DLG2: variants seen among roughly 807,000 people sequenced by gnomAD.
DLG2 encodes the protein discs large MAGUK scaffold protein 2.
DLG2 carries 45 observed loss-of-function variants against 132.5 expected under a neutral mutation model. That is an observed-to-expected ratio of 0.34 (90% CI 0.27 to 0.44). The LOEUF (loss-of-function observed/expected upper bound fraction) is 0.44. Among genes scored for constraint, DLG2 ranks in the 20% least tolerant of loss-of-function variants. The probability of loss-of-function intolerance (pLI) is 1.00; values close to 1 mark genes in which losing one functional copy is unlikely to be tolerated. For missense variants in DLG2, 1,045 were observed against 1,196.9 expected, an observed-to-expected ratio of 0.87 and a Z score of 1.87; for synonymous variants, 424 against 419.6, an observed-to-expected ratio of 1.01 and a Z score of -0.13.
chr11:84,943,155 T>TGG (rs2049696214), intron 6 of DLG2, among the ~76,000 whole-genome samples: 3 of 138,236 alleles, frequency 2.2e-5, no homozygotes, highest in South Asian at 4.8e-4. Flanking sequence ...TTTTGGGTCG[T>TGG]GTGTGTGTGT....
chr11:85,187,722 T>C (rs1005594622), intron 4 of DLG2, among the ~76,000 whole-genome samples: 1 of 152,030 alleles, frequency 6.6e-6, no homozygotes, highest in Non-Finnish European at 1.5e-5. Flanking sequence ...ATGGGAAAAG[T>C]AGTAAGAACC....
At chr11:84,500,914 A>T (rs7945737) in intron 7 of DLG2, among the ~76,000 whole-genome samples, 11,518 of 152,228 alleles carry the variant, frequency 0.076, 1,452 homozygotes, top group African/African-American at 0.26. Flanking sequence ...TTATATGGCA[A>T]TTCACAAATA....
chr11:83,850,123 A>AGTGTGTGTGTGTGTGTGTGT lies in DLG2; in HGVS notation c.1566-16373_1566-16354dup, dbSNP rs544279195. On this transcript the variant is annotated intron_variant, in intron 16 of 27. Transcript: ENST00000376104. ...TCATTCATCCGTAACATTTGGGGTA[A>AGTGTGTGTGTGTGTGTGTGT]GTGTGTGTGTGTGTGTGTGTGTGTG... Among the ~76,000 whole-genome samples, 3 of 39,116 alleles carry AGTGTGTGTGTGTGTGTGTGT rather than the reference A, an allele frequency of 7.7e-5. 1 individual carries two copies. Among genetic ancestry groups the AGTGTGTGTGTGTGTGTGTGT allele is most frequent in the South Asian group, 3.2e-3 (2 of 628 alleles). 25.7% of individuals were successfully genotyped at this position (39,116 alleles called of 152,430 possible). A position where few individuals can be genotyped will look rare whatever the true frequency, so the allele number is the denominator to read the frequency against.
At chr11:84,070,986 A>G (rs1204759593) in intron 10 of DLG2, among the ~76,000 whole-genome samples, 2 of 152,216 alleles carry the variant, frequency 1.3e-5, no homozygotes, top group African/African-American at 4.8e-5. Flanking sequence ...TAATTTCATC[A>G]CCAGAAAGGG....
At chr11:85,064,703 G>T (rs1166287998) in intron 6 of DLG2, among the ~76,000 whole-genome samples, 1 of 151,618 alleles carries the variant, frequency 6.6e-6, no homozygotes, top group African/African-American at 2.4e-5. Flanking sequence ...TTTTACATAT[G>T]ATTAGCATTC....
In DLG2 at chr11:84,358,525, C is replaced by T. The variant is rs2098631308; in HGVS notation, c.520-107234G>A. 2.6e-5 allele frequency among the ~76,000 whole-genome samples: 4 copies of T among 151,696 alleles called. No individual in the cohort carries two copies. In the South Asian group the frequency reaches 8.3e-4, roughly 32 times the overall value. ...ACTCTAACACCTCTGAAATTAAGCC[C>T]TGGGGAAGCTAGTGATAACTCTGAG... On this transcript the variant is annotated intron_variant, in intron 7 of 27. Transcript: ENST00000376104.
At chr11:83,979,985 T>C (rs1329888496) in intron 12 of DLG2, among the ~76,000 whole-genome samples, 1 of 152,216 alleles carries the variant, frequency 6.6e-6, no homozygotes, top group East Asian at 1.9e-4. Context: ...ATAGATACAT[T>C]GTACATGTAC....
At chr11:85,610,388 A>G (rs915320461) in intron 2 of DLG2, among the ~76,000 whole-genome samples, 5 of 152,186 alleles carry the variant, frequency 3.3e-5, no homozygotes, top group African/African-American at 1.2e-4. Context: ...TCTCTCAAAT[A>G]TCAGAGGAAG....
At chr11:84,748,956 G>C (rs1376477592) in intron 6 of DLG2, among the ~76,000 whole-genome samples, 2 of 152,108 alleles carry the variant, frequency 1.3e-5, no homozygotes, top group African/African-American at 2.4e-5. Context: ...AACTGCTTGG[G>C]ACCAAAATTT....
intron 16 of DLG2, among the ~76,000 whole-genome samples, chr11:83,862,512 A>C (rs1277726391): frequency 6.6e-6 from 1 of 152,192 alleles, no homozygotes; most frequent in Non-Finnish European, 1.5e-5. Flanking sequence ...ATTTATAAAG[A>C]ATGAATAAAA....
intron 16 of DLG2, among the ~76,000 whole-genome samples, chr11:83,872,845 A>C (rs1719978888): frequency 1.3e-5 from 2 of 152,228 alleles, no homozygotes; most frequent in South Asian, 4.1e-4. Context: ...AAGGAATAAT[A>C]AAGTGAGGTA....
chr11:83,604,255 T>G (rs1170803987), intron 19 of DLG2, among the ~76,000 whole-genome samples: 1 of 152,236 alleles, frequency 6.6e-6, no homozygotes, highest in African/African-American at 2.4e-5. Context: ...TGCTTCAAAC[T>G]GCTTCCTTTA....
At chr11:83,495,312 A>G (rs1002042115) in intron 21 of DLG2, among the ~76,000 whole-genome samples, 2 of 152,174 alleles carry the variant, frequency 1.3e-5, no homozygotes, top group African/African-American at 4.8e-5. Flanking sequence ...CTGAGACATC[A>G]AGCAGAGAAT....
chr11:84,502,417 T>C (rs1162843190), intron 7 of DLG2, among the ~76,000 whole-genome samples: 1 of 136,806 alleles, frequency 7.3e-6, no homozygotes, highest in East Asian at 2.1e-4. Context: ...TTTCTTTCTA[T>C]ACAGAGTCTC....
At chr11:85,033,386 C>CAAA (rs750024023) in intron 6 of DLG2, among the ~76,000 whole-genome samples, 32 of 80,824 alleles carry the variant, frequency 4.0e-4, no homozygotes, top group South Asian at 7.3e-4. Flanking sequence ...TATATCCTAG[C>CAAA]AAAAAAAAAA....
chr11:83,932,849 A>G, intron 14 of DLG2, among the ~76,000 whole-genome samples: 1 of 152,174 alleles, frequency 6.6e-6, no homozygotes, highest in East Asian at 1.9e-4. Context: ...TCCCAATGTT[A>G]TCATGAACTG....
chr11:84,558,377 A>G (rs2099416231), intron 6 of DLG2, among the ~76,000 whole-genome samples: 1 of 152,198 alleles, frequency 6.6e-6, no homozygotes, highest in South Asian at 2.1e-4. Context: ...CTTATTCCCC[A>G]GTAGTGAATT....
At chr11:85,299,860 C>T (rs1178414038) in intron 3 of DLG2, among the ~76,000 whole-genome samples, 1 of 152,142 alleles carries the variant, frequency 6.6e-6, no homozygotes, top group Non-Finnish European at 1.5e-5. Flanking sequence ...TAGAGCTTAC[C>T]AGTCTCTTAC....
intron 6 of DLG2, among the ~76,000 whole-genome samples, chr11:84,940,441 T>C (rs1305107946): frequency 6.6e-6 from 1 of 152,174 alleles, no homozygotes; most frequent in East Asian, 1.9e-4. Context: ...GCATGAGCCA[T>C]GCCCAGCCAT....
Sources: gnomAD v4.1 joint callset for allele counts (sites outside exome capture counted in the v4.1 genomes callset) on GRCh38, gnomAD v4.1.1 for gene constraint, MANE v1.5 for transcripts, NCBI Gene and HGNC (gene_info 2026-07-23, HGNC 2026-07-21) for gene names.